The following DNAH14 variants were observed in gnomAD, a reference collection of about 807,000 sequenced individuals.
The protein encoded by DNAH14 is dynein axonemal heavy chain 14, also known as axonemal beta dynein heavy chain 14.
DNAH14 carries 478 observed loss-of-function variants against 520.9 expected under a neutral mutation model. The observed-to-expected ratio is 0.92, with a 90% CI of 0.85 to 0.99. DNAH14 has a LOEUF of 0.99. Among genes scored for constraint, DNAH14 ranks in the 50% least tolerant of loss-of-function variants. The pLI is 0.00. For missense variants in DNAH14, 4,831 were observed against 5,234.5 expected, an observed-to-expected ratio of 0.92 and a Z score of 2.38; for synonymous variants, 1,581 against 1,757.2, an observed-to-expected ratio of 0.90 and a Z score of 2.51.
At chr1:225,393,432 T>C (rs548510667) in intron 84 of DNAH14, among the ~76,000 whole-genome samples, 13 of 152,348 alleles carry the variant, frequency 8.5e-5, no homozygotes, top group African/African-American at 2.6e-4. Context: ...TATTGAACAC[T>C]GCAGGCAGTG....
chr1:225,289,108 A>G (rs1271034199), intron 54 of DNAH14, among the ~76,000 whole-genome samples: 1 of 152,168 alleles, frequency 6.6e-6, no homozygotes, highest in African/African-American at 2.4e-5. Context: ...ACAATAGAAT[A>G]CCATTCAGCA....
intron 63 of DNAH14, 28 bp downstream of exon 63, chr1:225,324,381 AT>A: frequency 1.3e-6 from 2 of 1,544,970 alleles, no homozygotes; most frequent in Non-Finnish European, 1.7e-6. Context: ...AACATCTGTC[AT>A]GATTTGGAAG....
intron 17 of DNAH14, among the ~76,000 whole-genome samples, chr1:225,068,848 C>T (rs1323928558): frequency 0.088 from 111 of 1,268 alleles, 52 homozygotes; most frequent in African/African-American, 0.3. Context: ...TTTGGGAGGC[C>T]GAGGCGGGCG....
intron 12 of DNAH14, among the ~76,000 whole-genome samples, chr1:225,039,872 C>T (rs1364310388): frequency 5.1e-5 from 2 of 39,058 alleles, no homozygotes; most frequent in Non-Finnish European, 1.5e-4. Context: ...AGCGAGACTC[C>T]GTCTCAAAAA....
chr1:225,222,204 T>TGTCAGTAA (rs1244394886), intron 41 of DNAH14, among the ~76,000 whole-genome samples: 1 of 152,304 alleles, frequency 6.6e-6, no homozygotes, highest in East Asian at 1.9e-4. Flanking sequence ...GAGACTGCGC[T>TGTCAGTAA]GTCAGTAAGT....
intron 1 of DNAH14, among the ~76,000 whole-genome samples, chr1:224,942,090 A>C (rs2059459178): frequency 6.6e-6 from 1 of 152,118 alleles, no homozygotes; most frequent in South Asian, 2.1e-4. Context: ...TCTATAAATT[A>C]CCTTGGGCAG....
intron 81 of DNAH14, among the ~76,000 whole-genome samples, chr1:225,382,820 T>C (rs1230571864): frequency 6.6e-6 from 1 of 152,158 alleles, no homozygotes; most frequent in Non-Finnish European, 1.5e-5. Context: ...GACTGATGAA[T>C]GGATAAAATA....
At chr1:225,166,896 G>T (rs2082089316) in intron 35 of DNAH14, among the ~76,000 whole-genome samples, 4 of 152,190 alleles carry the variant, frequency 2.6e-5, no homozygotes, top group Admixed American at 2.0e-4. Context: ...TCCAAAGTAA[G>T]AAATTTGTGA....
At chr1:225,116,891 G>A (rs562760727) in intron 23 of DNAH14, among the ~76,000 whole-genome samples, 17 of 152,138 alleles carry the variant, frequency 1.1e-4, no homozygotes, top group Non-Finnish European at 1.9e-4. Context: ...GGCAGAGCAC[G>A]AGACAACTGA....
Position 225,283,036 on chromosome 1 carries a change from A to G in DNAH14, c.8271+5534A>G, listed in dbSNP as rs2093660277. On this transcript the variant is annotated intron_variant, in intron 54 of 85. Transcript: ENST00000682510. ...AATAAATAGTTATTATTTTTAATGT[A>G]AAAAAATTAGAAGAGAACTAAAAAT... Among the ~76,000 whole-genome samples the G allele has an allele frequency of 1.3e-5, 2 of 151,900 alleles. 1 individual carries two copies. The highest frequency in any genetic ancestry group is 1.3e-4 in the Admixed American group (2 of 15,242).
At chr1:225,043,531 A>G (rs2067673411) in intron 13 of DNAH14, among the ~76,000 whole-genome samples, 1 of 152,188 alleles carries the variant, frequency 6.6e-6, no homozygotes. Context: ...GGCCCCGTTC[A>G]TCAAGAGGAA....
chr1:224,968,558 A>G (rs2501153), intron 6 of DNAH14, among the ~76,000 whole-genome samples: 22,846 of 151,992 alleles, frequency 0.15, 3,147 homozygotes, highest in African/African-American at 0.36. Context: ...TTAGAAAACG[A>G]CAAGTACAGA....
At chr1:225,328,995 T>TA (rs1380244871) in intron 64 of DNAH14, among the ~76,000 whole-genome samples, 1 of 152,074 alleles carries the variant, frequency 6.6e-6, no homozygotes, top group Non-Finnish European at 1.5e-5. Context: ...GATAGCATCT[T>TA]AAAAAAAGAG....
chr1:225,334,273 T>C (rs2094864022), intron 66 of DNAH14, among the ~76,000 whole-genome samples: 1 of 152,020 alleles, frequency 6.6e-6, no homozygotes, highest in Non-Finnish European at 1.5e-5. Context: ...GCTCTGTCTC[T>C]ACAAAAAATA....
intron 42 of DNAH14, among the ~76,000 whole-genome samples, chr1:225,231,946 A>G (rs1485982139): frequency 2.0e-5 from 3 of 152,138 alleles, no homozygotes; most frequent in African/African-American, 7.2e-5. Flanking sequence ...CAATACCATA[A>G]TCACTCATAT....
At chr1:225,289,377 A>G (rs144368115) in intron 54 of DNAH14, among the ~76,000 whole-genome samples, 1 of 152,296 alleles carries the variant, frequency 6.6e-6, no homozygotes, top group East Asian at 1.9e-4. Context: ...GGGTTGCATA[A>G]GTCTGTAAAT....
intron 44 of DNAH14, among the ~76,000 whole-genome samples, chr1:225,253,755 G>A (rs1208146664): frequency 6.6e-6 from 1 of 152,128 alleles, no homozygotes; most frequent in Non-Finnish European, 1.5e-5. Context: ...AAACATGTAA[G>A]TGGTTCTTTC....
chr1:225,336,157 CATAT>C (rs552593568), intron 66 of DNAH14, among the ~76,000 whole-genome samples: 1 of 149,152 alleles, frequency 6.7e-6, no homozygotes, highest in African/African-American at 2.5e-5. Flanking sequence ...CAAGCAACCT[CATAT>C]ATATATATAA....
At chr1:225,235,569 G>A (rs943236950) in intron 42 of DNAH14, among the ~76,000 whole-genome samples, 7 of 152,108 alleles carry the variant, frequency 4.6e-5, no homozygotes, top group African/African-American at 1.7e-4. Context: ...GAGTTAGGGA[G>A]GAGTCCCTCA....
Sources: allele counts gnomAD v4.1 joint callset (sites outside exome capture counted in the v4.1 genomes callset), GRCh38; gene constraint gnomAD v4.1.1; transcripts MANE v1.5; gene names NCBI Gene and HGNC (gene_info 2026-07-23, HGNC 2026-07-21).